Variants in RAET1E observed in about 807,000 individuals in gnomAD.
RAET1E encodes NKG2D ligand 4.
RAET1E carries 27 observed loss-of-function variants against 21.1 expected under a neutral mutation model. That is an observed-to-expected ratio of 1.28 (90% CI 0.94 to 1.76). The LOEUF (loss-of-function observed/expected upper bound fraction) is 1.76, where lower values mean the gene tolerates loss of function less well. Ranked by LOEUF, RAET1E falls within the 40% of genes most tolerant of loss-of-function variation. RAET1E has a pLI of 0.00. For synonymous variants in RAET1E, 113 were observed against 115.0 expected (o/e 0.98, Z 0.11); for missense variants, 310 against 311.3 (o/e 1.00, Z 0.03).
At chr6:149,897,559 C>G (rs999949390) in intron 1 of RAET1E, among the ~76,000 whole-genome samples, 5 of 152,158 alleles carry the variant, frequency 3.3e-5, no homozygotes, top group Non-Finnish European at 7.3e-5. Context: ...CTCCCTGCCC[C>G]AGCTGCCTTG....
intron 2 of RAET1E, among the ~76,000 whole-genome samples, chr6:149,892,555 GT>G (rs1467318932): frequency 1.3e-5 from 2 of 151,648 alleles, no homozygotes; most frequent in African/African-American, 2.4e-5. Context: ...TGATGGGGTT[GT>G]TTTTTTTCTA....
In RAET1E at chr6:149,886,431, G is replaced by C. The variant is rs1449787095; in HGVS notation, c.*2067C>G. The stretch of plus-strand genomic sequence containing the variant: ...ATTTATTGAGATGGAATCTCACTCT[G>C]TCACCCAGGCTGGAGTGCAATGGCG... On this transcript the variant is annotated 3_prime_UTR_variant, in exon 6 of 6. Transcript: ENST00000357183. Among the ~76,000 whole-genome samples, 1 of 152,242 alleles carries C rather than the reference G, an allele frequency of 6.6e-6. No individual in the cohort carries two copies. Among genetic ancestry groups the C allele is most frequent in the East Asian group, 1.9e-4 (1 of 5,172 alleles).
chr6:149,888,493 C>CCAGA lies in RAET1E; in HGVS notation c.*1_*4dup, dbSNP rs769253626. On this transcript the variant is annotated 3_prime_UTR_variant, in exon 6 of 6. Coordinates refer to ENST00000357183, the MANE Select transcript of RAET1E (RefSeq NM_001394057.1). ...ATGATTCACCTCTCTTGAGTCCTTACCAGACTAAGACGTCCTCAAGGGCCA... is the reference window on the plus strand; with the variant it reads ...ATGATTCACCTCTCTTGAGTCCTTACCAGACAGACTAAGACGTCCTCAAGGGCCA... The CCAGA allele has an allele frequency of 6.8e-6, 11 of 1,611,998 alleles. No homozygotes were observed. The South Asian group carries it at 9.9e-5, about 15-fold the overall frequency.
intron 1 of RAET1E, among the ~76,000 whole-genome samples, chr6:149,896,599 G>C (rs1291527366): frequency 6.6e-6 from 1 of 152,044 alleles, no homozygotes; most frequent in East Asian, 1.9e-4. Context: ...TGCTGCTGTG[G>C]GGACACCAGC....
Position 149,884,432 on chromosome 6 carries a change from G to A in RAET1E, c.*4066C>T. Reference sequence around the variant, plus strand: ...GGAACACACAGCAGTGGGAGCCAAGGCTGTCAGCGATCGAGGACCACAGGT... The same window carrying A: ...GGAACACACAGCAGTGGGAGCCAAGACTGTCAGCGATCGAGGACCACAGGT... On this transcript the variant is annotated 3_prime_UTR_variant, in exon 6 of 6. Transcript: ENST00000357183. The A allele has an allele frequency of 1.3e-6, 2 of 1,507,842 alleles. No individual in the cohort carries two copies. The highest frequency in any genetic ancestry group is 2.5e-5 in the East Asian group (1 of 40,718). 93.4% of individuals were successfully genotyped at this position (1,507,842 alleles called of 1,614,324 possible). A position where few individuals can be genotyped will look rare whatever the true frequency, so the allele number is the denominator to read the frequency against.
chr6:149,887,819 T>C lies in RAET1E; in HGVS notation c.*679A>G, dbSNP rs1777673088. Among the ~76,000 whole-genome samples, 1 of 152,126 alleles carries C rather than the reference T, an allele frequency of 6.6e-6. No homozygotes were observed. The highest frequency in any genetic ancestry group is 2.1e-4 in the South Asian group (1 of 4,824). ...GACACTATGAGGACAAAGACAGCAA[T>C]GGAAGAAAGAAATGAATTCTTCATG... On this transcript the variant is annotated 3_prime_UTR_variant, in exon 6 of 6. Transcript: ENST00000357183.
chr6:149,888,398 T>C lies in RAET1E; in HGVS notation c.*100A>G. 1 of 1,434,046 alleles carries C rather than the reference T, an allele frequency of 7.0e-7. No individual in the cohort carries two copies. The highest frequency in any genetic ancestry group is 2.3e-5 in the East Asian group (1 of 43,240). The allele number at this position is 1,434,046 out of a possible 1,614,324, so 88.8% of individuals were successfully genotyped here. On this transcript the variant is annotated 3_prime_UTR_variant, in exon 6 of 6. Transcript: ENST00000357183. ...CAGCCCTGCTGTGTAGTGTGGGGGC[T>C]CAAGACTAAGGCAGTGCACCATTTC...
chr6:149,885,389 A>T lies in RAET1E; in HGVS notation c.*3109T>A, dbSNP rs1226762254. On this transcript the variant is annotated 3_prime_UTR_variant, in exon 6 of 6. Transcript: ENST00000357183. ...CCAGGGACAGAGAGGGCTCAACTTGACCCAGAGCTAAGCCTCTCAGGTCGT... is the reference window on the plus strand; with the variant it reads ...CCAGGGACAGAGAGGGCTCAACTTGTCCCAGAGCTAAGCCTCTCAGGTCGT... 6.6e-6 allele frequency among the ~76,000 whole-genome samples: 1 copy of T among 152,108 alleles called. No homozygotes were observed. Among genetic ancestry groups the T allele is most frequent in the South Asian group, 2.1e-4 (1 of 4,816 alleles).
rs1289928561 is a variant in RAET1E, at chr6:149,884,880, G to A, written c.*3618C>T. On this transcript the variant is annotated 3_prime_UTR_variant, in exon 6 of 6. Transcript: ENST00000357183. ...CCATTTGCCAGGATTCCTGTGTCAGGGGTGAACCAGAAACCCAGGTGTCAA... is the reference window on the plus strand; with the variant it reads ...CCATTTGCCAGGATTCCTGTGTCAGAGGTGAACCAGAAACCCAGGTGTCAA... Among the ~76,000 whole-genome samples the A allele has an allele frequency of 1.3e-5, 2 of 152,106 alleles. No individual in the cohort carries two copies. The highest frequency in any genetic ancestry group is 2.9e-5 in the Non-Finnish European group (2 of 68,002).
chr6:149,895,070 T>G, intron 2 of RAET1E, among the ~76,000 whole-genome samples: 1 of 152,236 alleles, frequency 6.6e-6, no homozygotes, highest in East Asian at 1.9e-4. Context: ...CCTGTTTACC[T>G]GGGTATCACC....
At position 149,895,930 on chromosome 6, in the gene RAET1E, G is replaced by T. The variant is rs993900286; in HGVS notation, c.-218C>A. The stretch of plus-strand genomic sequence containing the variant: ...GCCCTCTCTTCCTCACCAGATGGCT[G>T]TCTTCCTGTTGTATCCTCACACAGT... On this transcript the variant is annotated 5_prime_UTR_variant, in exon 2 of 6. Coordinates refer to ENST00000357183, the MANE Select transcript of RAET1E (RefSeq NM_001394057.1). 1 of 152,270 alleles carries T rather than the reference G, an allele frequency of 6.6e-6. No individual in the cohort carries two copies. The highest frequency in any genetic ancestry group is 1.5e-5 in the Non-Finnish European group (1 of 68,060). 9.4% of individuals were successfully genotyped at this position (152,270 alleles called of 1,614,324 possible).
At position 149,883,700 on chromosome 6, in the gene RAET1E, A is replaced by AAAAC. The variant is rs535597835; in HGVS notation, c.*4794_*4797dup. On this transcript the variant is annotated 3_prime_UTR_variant, in exon 6 of 6. Coordinates refer to ENST00000357183, the MANE Select transcript of RAET1E (RefSeq NM_001394057.1). ...AGATAGAGTGAGACTCTGTCTCAAA[A>AAAAC]AAACAAACAAACAAACAAAGAATTA... 99 of 156,340 alleles carry AAAAC rather than the reference A, an allele frequency of 6.3e-4. No homozygotes were observed. Among genetic ancestry groups the AAAAC allele is most frequent in the Admixed American group, 2.3e-3 (36 of 15,416 alleles). The allele number at this position is 156,340 out of a possible 1,614,324, so 9.7% of individuals were successfully genotyped here. A position where few individuals can be genotyped will look rare whatever the true frequency, so the allele number is the denominator to read the frequency against.
At position 149,885,491 on chromosome 6, in the gene RAET1E, A is replaced by G. The variant is rs1164636737; in HGVS notation, c.*3007T>C. On this transcript the variant is annotated 3_prime_UTR_variant, in exon 6 of 6. Transcript: ENST00000357183. ...TTTGGCAGGGGTCTTGGGGAGACTT[A>G]GCAACCTCATTTCTCCCTGTCCTCA... is the stretch of plus-strand genomic sequence containing the variant. The G allele has an allele frequency of 1.3e-5, 2 of 152,202 alleles. No homozygotes were observed. The highest frequency in any genetic ancestry group is 2.9e-5 in the Non-Finnish European group (2 of 68,058). 9.4% of individuals were successfully genotyped at this position (152,202 alleles called of 1,614,324 possible). A position where few individuals can be genotyped will look rare whatever the true frequency, so the allele number is the denominator to read the frequency against.
rs1335922842 is a variant in RAET1E, at chr6:149,883,616, G to A, written c.*4882C>T. 1 of 152,394 alleles carries A rather than the reference G, an allele frequency of 6.6e-6. No homozygotes were observed. Among genetic ancestry groups the A allele is most frequent in the East Asian group, 1.9e-4 (1 of 5,188 alleles). 9.4% of individuals were successfully genotyped at this position (152,394 alleles called of 1,614,324 possible). A position where few individuals can be genotyped will look rare whatever the true frequency, so the allele number is the denominator to read the frequency against. On this transcript the variant is annotated 3_prime_UTR_variant, in exon 6 of 6. Coordinates refer to ENST00000357183, the MANE Select transcript of RAET1E (RefSeq NM_001394057.1). ...GGAGGCTGAGGCAGGGGAATCGCTT[G>A]AGCCTGGGAGATCGAGGTTGCAGTG...
At chr6:149,897,690 C>G (rs548857435) in intron 1 of RAET1E, among the ~76,000 whole-genome samples, 7 of 152,036 alleles carry the variant, frequency 4.6e-5, no homozygotes, top group Non-Finnish European at 1.0e-4. Context: ...CAAGAGAAGT[C>G]GGAAAGAAGG....
At chr6:149,890,257 A>C (rs1224714724) in intron 3 of RAET1E, 112 bp from the exon 4 acceptor site, 2 of 1,161,630 alleles carry the variant, frequency 1.7e-6, no homozygotes, top group East Asian at 4.8e-5. Context: ...GAGGCGGGGC[A>C]GCTCCATCCC....
chr6:149,886,626 C>T lies in RAET1E; in HGVS notation c.*1872G>A, dbSNP rs1426857176. ...GCCAGGCTGGTCTCGAACTCCTGAC[C>T]TCAAATGATCCACCCAACTTGGCCT... On this transcript the variant is annotated 3_prime_UTR_variant, in exon 6 of 6. Coordinates refer to ENST00000357183, the MANE Select transcript of RAET1E (RefSeq NM_001394057.1). Among the ~76,000 whole-genome samples the T allele has an allele frequency of 6.6e-6, 1 of 152,196 alleles. No homozygotes were observed. Among genetic ancestry groups the T allele is most frequent in the Admixed American group, 6.5e-5 (1 of 15,282 alleles).
chr6:149,894,554 C>A (rs557767843), intron 2 of RAET1E, among the ~76,000 whole-genome samples: 1 of 151,910 alleles, frequency 6.6e-6, no homozygotes, highest in Non-Finnish European at 1.5e-5. Flanking sequence ...TCCTTTCTTC[C>A]GCTTGATTGA....
intron 5 of RAET1E, 117 bp from the exon 6 acceptor site, chr6:149,888,784 A>G: frequency 1.4e-6 from 2 of 1,404,676 alleles, no homozygotes; most frequent in Non-Finnish European, 1.9e-6. Context: ...TGCCCCACAT[A>G]ATCACTGGCT....
Sources: allele counts gnomAD v4.1 joint callset (sites outside exome capture counted in the v4.1 genomes callset), GRCh38; gene constraint gnomAD v4.1.1; transcripts MANE v1.5; gene names NCBI Gene and HGNC (gene_info 2026-07-23, HGNC 2026-07-21).